CCDC171: variants seen among roughly 807,000 people sequenced by gnomAD.
The protein encoded by CCDC171 is coiled-coil domain containing 171.
In CCDC171, 177 loss-of-function variants were observed where a neutral mutation model predicts 168.2. That is an observed-to-expected ratio of 1.05 (90% CI 0.93 to 1.19). The LOEUF (loss-of-function observed/expected upper bound fraction) is 1.19. Ranked by LOEUF, CCDC171 falls within the 50% of genes most tolerant of loss-of-function variation. The pLI is 0.00. For missense variants in CCDC171, 1,991 were observed against 1,539.0 expected, an observed-to-expected ratio of 1.29 and a Z score of -4.91; for synonymous variants, 687 against 540.8, an observed-to-expected ratio of 1.27 and a Z score of -3.75.
intron 25 of CCDC171, among the ~76,000 whole-genome samples, chr9:15,953,994 T>C (rs941082357): frequency 6.6e-6 from 1 of 151,998 alleles, no homozygotes; most frequent in Non-Finnish European, 1.5e-5. Flanking sequence ...ATCCCTTTTT[T>C]CCCCCTGTGG....
At chr9:16,090,242 A>G in the CCDC171 span, among the ~76,000 whole-genome samples, 4 of 152,242 alleles carry the variant, frequency 2.6e-5, no homozygotes, top group Non-Finnish European at 5.9e-5. Flanking sequence ...AAGCAGCCAT[A>G]TAAAAGGATG....
chr9:15,747,943 A>G (rs989252839), intron 18 of CCDC171, among the ~76,000 whole-genome samples: 1 of 152,120 alleles, frequency 6.6e-6, no homozygotes, highest in Non-Finnish European at 1.5e-5. Flanking sequence ...AGTAATAACA[A>G]ACTTCTCCGA....
At chr9:15,661,062 T>C (rs1399322186) in intron 8 of CCDC171, among the ~76,000 whole-genome samples, 5 of 152,066 alleles carry the variant, frequency 3.3e-5, no homozygotes, top group Admixed American at 3.3e-4. Flanking sequence ...GGGTGGATCA[T>C]GAGGTCAGGA....
chr9:16,095,318 C>A, the CCDC171 span, among the ~76,000 whole-genome samples: 1 of 152,068 alleles, frequency 6.6e-6, no homozygotes, highest in South Asian at 2.1e-4. Flanking sequence ...ACATACGGGC[C>A]CATGGAAACA....
chr9:15,751,968 A>G (rs1249442380), intron 18 of CCDC171, among the ~76,000 whole-genome samples: 2 of 152,216 alleles, frequency 1.3e-5, no homozygotes, highest in African/African-American at 4.8e-5. Context: ...GAGAGTGAAC[A>G]GGCAACCTAC....
At chr9:16,094,632 C>T in the CCDC171 span, among the ~76,000 whole-genome samples, 1 of 152,160 alleles carries the variant, frequency 6.6e-6, no homozygotes, top group Non-Finnish European at 1.5e-5. Flanking sequence ...AATGAGTTTT[C>T]TCCTCAAGAG....
At chr9:15,904,025 G>A (rs1308268482) in intron 24 of CCDC171, among the ~76,000 whole-genome samples, 1 of 152,202 alleles carries the variant, frequency 6.6e-6, no homozygotes, top group African/African-American at 2.4e-5. Flanking sequence ...ATGGGACTAT[G>A]TGAAAAGACC....
At chr9:15,888,877 G>T (rs1589005024) in intron 24 of CCDC171, 1 of 151,118 alleles carries the variant, frequency 6.6e-6, no homozygotes, top group East Asian at 1.9e-4. Flanking sequence ...TGATTAAAGG[G>T]TGCTATTCCA....
At chr9:15,617,637 A>G (rs891552843) in intron 6 of CCDC171, among the ~76,000 whole-genome samples, 4 of 151,924 alleles carry the variant, frequency 2.6e-5, no homozygotes, top group Non-Finnish European at 5.9e-5. Context: ...CGGCCTCCAA[A>G]AGTGCTGGGA....
chr9:15,810,772 G>A lies in CCDC171; in HGVS notation c.3267+26078G>A, dbSNP rs183994926. 7.6e-3 allele frequency among the ~76,000 whole-genome samples: 1,164 copies of A among 152,270 alleles called. 12 individuals are homozygous for A. Among genetic ancestry groups the A allele is most frequent in the African/African-American group, 0.027 (1,105 of 41,542 alleles). On this transcript the variant is annotated intron_variant, in intron 21 of 25. Coordinates refer to ENST00000380701, the MANE Select transcript of CCDC171 (RefSeq NM_173550.4). ...AGTGCTGCGCGCAGCCCTGGTTCCC[G>A]CCTGCGCCTCTCCCTTGACACCTCC...
the CCDC171 span, among the ~76,000 whole-genome samples, chr9:16,099,682 C>T: frequency 6.6e-6 from 1 of 152,160 alleles, no homozygotes; most frequent in Non-Finnish European, 1.5e-5. Flanking sequence ...TATTCGTGGG[C>T]TTCTGGTGGG....
chr9:15,767,721 T>A (rs2056795541), intron 18 of CCDC171, among the ~76,000 whole-genome samples: 1 of 151,828 alleles, frequency 6.6e-6, no homozygotes, highest in Admixed American at 6.6e-5. Flanking sequence ...ATTCTTTTGA[T>A]GCCCATGATA....
chr9:15,596,578 T>A (rs1402772644), intron 6 of CCDC171, among the ~76,000 whole-genome samples: 3 of 152,080 alleles, frequency 2.0e-5, no homozygotes, highest in Admixed American at 6.6e-5. Context: ...TCAGGTAGCG[T>A]GATGCCTCCA....
intron 11 of CCDC171, 117 bp from the exon 12 acceptor site, chr9:15,721,652 A>T (rs1036615920): frequency 7.3e-6 from 3 of 410,052 alleles, no homozygotes; most frequent in Non-Finnish European, 1.3e-5. Flanking sequence ...GCCAAGTATT[A>T]ATAGTTTCAT....
chr9:16,106,484 G>T, the CCDC171 span, among the ~76,000 whole-genome samples: 5 of 152,180 alleles, frequency 3.3e-5, no homozygotes, highest in Non-Finnish European at 7.3e-5. Context: ...GCTAAAGGCA[G>T]CATTCACAGG....
chr9:15,735,800 G>A (rs956165244), intron 16 of CCDC171, among the ~76,000 whole-genome samples: 5 of 152,148 alleles, frequency 3.3e-5, no homozygotes, highest in African/African-American at 4.8e-5. Context: ...TTACAATCAC[G>A]TGTACACTAT....
intron 24 of CCDC171, among the ~76,000 whole-genome samples, chr9:15,902,632 AT>A (rs1424627492): frequency 2.0e-5 from 3 of 152,150 alleles, no homozygotes; most frequent in African/African-American, 7.2e-5. Context: ...TGATTTCTGC[AT>A]TTCCAACTGA....
chr9:15,951,526 G>GTTTT (rs1829173524), intron 25 of CCDC171, among the ~76,000 whole-genome samples: 1 of 151,746 alleles, frequency 6.6e-6, no homozygotes, highest in Non-Finnish European at 1.5e-5. Flanking sequence ...TCTGTTTTTT[G>GTTTT]TTTGTTTGTT....
chr9:15,943,820 A>G (rs1052240263), intron 25 of CCDC171, among the ~76,000 whole-genome samples: 1 of 152,048 alleles, frequency 6.6e-6, no homozygotes, highest in African/African-American at 2.4e-5. Context: ...GAGTCAGGAT[A>G]GACTCCTGTA....
Sources: gnomAD v4.1 joint callset for allele counts (sites outside exome capture counted in the v4.1 genomes callset) on GRCh38, gnomAD v4.1.1 for gene constraint, MANE v1.5 for transcripts, NCBI Gene and HGNC (gene_info 2026-07-23, HGNC 2026-07-21) for gene names.